Variants in GNAS observed in about 807,000 individuals in gnomAD.
GNAS encodes the protein protein ALEX.
Under a neutral mutation model 54.5 loss-of-function variants are expected in GNAS, and 8 were observed. The observed-to-expected ratio is 0.15, with a 90% CI of 0.09 to 0.26. GNAS has a LOEUF of 0.26. Among genes scored for constraint, GNAS ranks in the 10% least tolerant of loss-of-function variants. GNAS has a pLI of 1.00. For synonymous variants in GNAS, 204 were observed against 191.4 expected (o/e 1.07, Z -0.54); for missense variants, 170 against 529.8 (o/e 0.32, Z 6.67).
upstream of GNAS, chr20:58,891,378 G>C (rs2089272395): frequency 5.2e-6 from 1 of 194,174 alleles, no homozygotes; most frequent in South Asian, 1.5e-4. Flanking sequence ...GGCGGCGGGG[G>C]CCCGGCCGAG....
rs1019154731 is a variant in GNAS, at chr20:58,895,131, G to A, written c.140-481G>A. 3.2e-5 allele frequency: 8 copies of A among 247,974 alleles called. No homozygotes were observed. In the East Asian group the frequency reaches 8.9e-4, roughly 28 times the overall value. The allele number at this position is 247,974 out of a possible 1,614,324, so 15.4% of individuals were successfully genotyped here. On this transcript the variant is annotated intron_variant, in intron 1 of 12. Transcript: ENST00000371085. ...CTGCATCGCTACGTGATGTGGAAGA[G>A]ACTGCAGTGTCTGGGCATTGTTGGG...
Position 58,862,495 on chromosome 20 carries a change from AT to A in GNAS, c.43+21620del, listed in dbSNP as rs940369327. On this transcript the variant is annotated intron_variant, in intron 1 of 12. Coordinates refer to the GNAS transcript ENST00000306090. ...TTTTAGAAATTTATTTTCCTCCTAG[AT>A]TTTTTTTTTTCTCCCTGCTCCAAGT... Among the ~76,000 whole-genome samples the A allele has an allele frequency of 2.4e-3, 335 of 137,348 alleles. 1 individual carries two copies. Among genetic ancestry groups the A allele is most frequent in the Non-Finnish European group, 2.8e-3 (180 of 63,214 alleles). 90.1% of individuals were successfully genotyped at this position (137,348 alleles called of 152,430 possible). A position where few individuals can be genotyped will look rare whatever the true frequency, so the allele number is the denominator to read the frequency against.
chr20:58,891,270 G>GCCCTCCTCCTCCTCCTCCT (rs2089243979), upstream of GNAS: 1 of 143,418 alleles, frequency 7.0e-6, no homozygotes, highest in African/African-American at 2.6e-5. Flanking sequence ...CCGCTCCTCG[G>GCCCTCCTCCTCCTCCTCCT]CCCTCCTCCT....
Position 58,891,738 on chromosome 20 carries a change from C to T in GNAS, c.12C>T (p.Leu4=), listed in dbSNP as rs531486518. 74 of 1,190,518 alleles carry T rather than the reference C, an allele frequency of 6.2e-5. No individual in the cohort carries two copies. The South Asian group carries it at 1.1e-3, about 18-fold the overall frequency. The allele number at this position is 1,190,518 out of a possible 1,614,324, so 73.7% of individuals were successfully genotyped here. A position where few individuals can be genotyped will look rare whatever the true frequency, so the allele number is the denominator to read the frequency against. The change falls in exon 1 of 13, where the codon CTC becomes CTT. Residue 4 remains leucine (L), a synonymous_variant. Coordinates refer to ENST00000371085, the MANE Select transcript of GNAS (RefSeq NM_000516.7). Reference sequence around the variant, plus strand: ...CCGCCGCCGCCGCCATGGGCTGCCTCGGGAACAGTAAGACCGAGGACCAGC... The same window carrying T: ...CCGCCGCCGCCGCCATGGGCTGCCTTGGGAACAGTAAGACCGAGGACCAGC... MGC[L]GNSKTEDQRN...
intron 1 of GNAS, among the ~76,000 whole-genome samples, chr20:58,847,196 CT>C (rs1451282990): frequency 2.6e-5 from 4 of 151,952 alleles, no homozygotes; most frequent in Admixed American, 6.6e-5. Flanking sequence ...ACGATGGGGG[CT>C]TTTTAATCTG....
chr20:58,852,366 A>G (rs1409836544), intron 1 of GNAS, among the ~76,000 whole-genome samples: 1 of 152,132 alleles, frequency 6.6e-6, no homozygotes. Flanking sequence ...GCGTGCTTGC[A>G]TACTCGGCAT....
intron 1 of GNAS, chr20:58,855,792 G>T: frequency 1.6e-6 from 1 of 607,112 alleles, no homozygotes; most frequent in Non-Finnish European, 3.0e-6. Flanking sequence ...CTTGTCGTTG[G>T]TGTGTGTTGG....
rs2085699301 is a variant in GNAS at position 58,841,024 on chromosome 20, T to C, written c.43+138T>C. The stretch of plus-strand genomic sequence containing the variant: ...CAGCTGGTCAGCCTGGGATCGGGGG[T>C]CAGGGTGAGGCGGCGAGGGCTCCCC... On this transcript the variant is annotated intron_variant, in intron 1 of 12. Transcript: ENST00000306090. The surrounding 1 kb of genome is among the most constrained non-coding windows in gnomAD (Gnocchi z 5.0). 9.8e-7 allele frequency: 1 copy of C among 1,023,288 alleles called. No individual in the cohort carries two copies. The highest frequency in any genetic ancestry group is 1.4e-6 in the Non-Finnish European group (1 of 696,968). 63.4% of individuals were successfully genotyped at this position (1,023,288 alleles called of 1,614,324 possible).
rs756759041 is a variant in GNAS, at chr20:58,909,513, C to T, written c.660-8C>T. The stretch of plus-strand genomic sequence containing the variant: ...TCTGGAATAACCAGCTGTCCTCCTC[C>T]CCACCAGCATGTTTGACGTGGGTGG... On this transcript the variant is annotated splice_polypyrimidine_tract_variant and splice_region_variant and intron_variant, in intron 8 of 12. Transcript: ENST00000371085. The surrounding 1 kb of genome is among the most constrained non-coding windows in gnomAD (Gnocchi z 7.3). The T allele has an allele frequency of 1.2e-6, 2 of 1,613,956 alleles. No homozygotes were observed. Among genetic ancestry groups the T allele is most frequent in the African/African-American group, 2.7e-5 (2 of 74,924 alleles).
At chr20:58,855,306 A>G in intron 1 of GNAS, 3 of 1,579,246 alleles carry the variant, frequency 1.9e-6, no homozygotes, top group Non-Finnish European at 2.6e-6. Context: ...GATGGGCTAC[A>G]TGTGTACGCA....
chr20:58,892,232 G>A (rs1313801296), intron 1 of GNAS: 2 of 950,302 alleles, frequency 2.1e-6, no homozygotes, highest in African/African-American at 1.8e-5. Context: ...GAGGGGGAGG[G>A]GGAGCCCATG....
intron 1 of GNAS, among the ~76,000 whole-genome samples, chr20:58,883,908 G>A (rs1180519491): frequency 2.0e-5 from 3 of 152,180 alleles, no homozygotes; most frequent in Non-Finnish European, 4.4e-5. Context: ...GGAGCTAAGC[G>A]GTAATTACAC....
upstream of GNAS, among the ~76,000 whole-genome samples, chr20:58,886,482 C>T (rs2088598357): frequency 6.6e-6 from 1 of 152,176 alleles, no homozygotes; most frequent in Non-Finnish European, 1.5e-5. Context: ...TCTTCCTGAG[C>T]CAGACGAGGG....
chr20:58,896,893 A>G, intron 2 of GNAS, among the ~76,000 whole-genome samples: 1 of 151,600 alleles, frequency 6.6e-6, no homozygotes, highest in South Asian at 2.1e-4. Flanking sequence ...AAAAAAACAA[A>G]CAAAACAAAC....
At chr20:58,881,396 C>T (rs1186889973) in intron 1 of GNAS, among the ~76,000 whole-genome samples, 3 of 152,186 alleles carry the variant, frequency 2.0e-5, no homozygotes, top group African/African-American at 7.2e-5. Context: ...GACAGGGATC[C>T]AGGGCCTTTG....
intron 6 of GNAS, among the ~76,000 whole-genome samples, chr20:58,907,392 C>G (rs561761132): frequency 6.6e-6 from 1 of 152,300 alleles, no homozygotes; most frequent in East Asian, 1.9e-4. Context: ...AAGTTCGAAC[C>G]AAAAGCTGGA....
In GNAS at chr20:58,902,725, C is replaced by CTTTTTTTTTTT. The variant is rs60022134; in HGVS notation, c.258-788_258-778dup. On this transcript the variant is annotated intron_variant, in intron 3 of 12. Transcript: ENST00000371085. Reference sequence around the variant, plus strand: ...AGTGCCTGGAGCATCGCACATACGACTTTTTTTTTTTTTTTTTTTTTTTTT... The same window carrying CTTTTTTTTTTT: ...AGTGCCTGGAGCATCGCACATACGACTTTTTTTTTTTTTTTTTTTTTTTTTTTTTTTTTTTT... Among the ~76,000 whole-genome samples the CTTTTTTTTTTT allele has an allele frequency of 2.9e-3, 199 of 69,512 alleles. 36 individuals are homozygous for CTTTTTTTTTTT. Among genetic ancestry groups the CTTTTTTTTTTT allele is most frequent in the African/African-American group, 9.3e-3 (140 of 15,018 alleles). The allele number at this position is 69,512 out of a possible 152,430, so 45.6% of individuals were successfully genotyped here.
chr20:58,899,214 T>C (rs1047177044), intron 3 of GNAS, among the ~76,000 whole-genome samples: 5 of 152,216 alleles, frequency 3.3e-5, no homozygotes, highest in Admixed American at 2.0e-4. Context: ...GAGATCCAGC[T>C]GGGGGAAAGT....
chr20:58,855,049 G>A lies in GNAS; in HGVS notation c.43+14163G>A, dbSNP rs775744465. 14 of 1,612,880 alleles carry A rather than the reference G, an allele frequency of 8.7e-6. No homozygotes were observed. The highest frequency in any genetic ancestry group is 1.6e-4 in the Middle Eastern group (1 of 6,084). ...GGATGCCTCCGCTGGTTTCAGCATCGGCGAAATCGCCGCCGCCGAAAGCCC... is the reference window on the plus strand; with the variant it reads ...GGATGCCTCCGCTGGTTTCAGCATCAGCGAAATCGCCGCCGCCGAAAGCCC... On this transcript the variant is annotated intron_variant, in intron 1 of 12. Transcript: ENST00000306090.
Sources: gnomAD v4.1 joint callset for allele counts (sites outside exome capture counted in the v4.1 genomes callset) on GRCh38, gnomAD v4.1.1 for gene constraint, Gnocchi (gnomAD v3.1) non-coding constraint, MANE v1.5 for transcripts, NCBI Gene and HGNC (gene_info 2026-07-23, HGNC 2026-07-21) for gene names.